The following ELFN2 variants were observed in gnomAD, a reference collection of about 807,000 sequenced individuals.
The protein encoded by ELFN2 is extracellular leucine rich repeat and fibronectin type III domain containing 2, also known as protein phosphatase 1 regulatory subunit 29.
A neutral mutation model predicts 45.5 loss-of-function variants in ELFN2; 17 were observed. That is an observed-to-expected ratio of 0.37 (90% CI 0.26 to 0.56). The LOEUF (loss-of-function observed/expected upper bound fraction) is 0.56, where lower values mean the gene tolerates loss of function less well. Ranked by LOEUF, ELFN2 falls within the 20% of genes least tolerant of loss-of-function variation. The pLI is 0.77. For missense variants in ELFN2, 922 were observed against 1,183.2 expected (o/e 0.78, Z 3.24); for synonymous variants, 550 against 551.5 (o/e 1.00, Z 0.04).
intron 2 of ELFN2, among the ~76,000 whole-genome samples, chr22:37,392,928 A>G (rs1006698372): frequency 3.9e-5 from 6 of 152,214 alleles, no homozygotes; most frequent in Non-Finnish European, 5.9e-5. Context: ...ACACACCTGC[A>G]TATTCATTAA....
intron 2 of ELFN2, among the ~76,000 whole-genome samples, chr22:37,381,556 A>C (rs1931769185): frequency 6.8e-6 from 1 of 147,644 alleles, no homozygotes. Context: ...CACCTTCTCT[A>C]GCCCCCCAGT....
chr22:37,350,243 AGGTAGCAGCATAAATGGCAAGAAC>A (rs1295668102), intron 1 of ELFN2, among the ~76,000 whole-genome samples: 1 of 146,504 alleles, frequency 6.8e-6, no homozygotes, highest in African/African-American at 2.5e-5. Context: ...AGAAGGGGCC[AGGTAGCAGCATAAATGGCAAGAAC>A]GGGTGGGAGC....
rs865864412 is a variant in ELFN2, at chr22:37,417,026, G to T, written c.-463+743C>A. On this transcript the variant is annotated intron_variant, in intron 2 of 2. Coordinates refer to ENST00000402918, the MANE Select transcript of ELFN2 (RefSeq NM_052906.5). The surrounding 1 kb of genome is among the most constrained non-coding windows in gnomAD (Gnocchi z 4.5). ...ACGGAGACCACAATGCCACAGAGGC[G>T]GCTCCCTCACCACGGCAACCACCGT... 3.3e-5 allele frequency among the ~76,000 whole-genome samples: 5 copies of T among 151,410 alleles called. No individual in the cohort carries two copies. The highest frequency in any genetic ancestry group is 1.2e-4 in the African/African-American group (5 of 41,170).
At chr22:37,357,403 C>T (rs773867547) in intron 1 of ELFN2, among the ~76,000 whole-genome samples, 8 of 152,200 alleles carry the variant, frequency 5.3e-5, no homozygotes, top group African/African-American at 1.2e-4. Context: ...TGATCTCTGC[C>T]ACAACAGAGG....
intron 2 of ELFN2, among the ~76,000 whole-genome samples, chr22:37,397,166 A>C (rs1601760263): frequency 1.3e-5 from 2 of 150,658 alleles, no homozygotes; most frequent in South Asian, 2.1e-4. Flanking sequence ...ACTCCACAGC[A>C]CCCCCATGCT....
At chr22:37,414,702 G>T (rs758246030) in intron 2 of ELFN2, among the ~76,000 whole-genome samples, 1 of 152,122 alleles carries the variant, frequency 6.6e-6, no homozygotes, top group African/African-American at 2.4e-5. Context: ...GACAGCATCG[G>T]GACATGAACC....
At chr22:37,389,077 C>T (rs1414131976) in intron 2 of ELFN2, among the ~76,000 whole-genome samples, 1 of 152,276 alleles carries the variant, frequency 6.6e-6, no homozygotes, top group East Asian at 1.9e-4. Flanking sequence ...CCTCCTCTGT[C>T]AATTGGGGCC....
At chr22:37,352,064 GC>G (rs1930834353) in intron 1 of ELFN2, 1 of 150,858 alleles carries the variant, frequency 6.6e-6, no homozygotes, top group South Asian at 2.1e-4. Context: ...ATCCCAGGTA[GC>G]CCAAGAAGGT....
At chr22:37,405,839 G>GC (rs1932486540) in intron 2 of ELFN2, among the ~76,000 whole-genome samples, 5 of 149,794 alleles carry the variant, frequency 3.3e-5, no homozygotes, top group Non-Finnish European at 5.9e-5. Context: ...AAAAAGGGTG[G>GC]AGGGGGGGTG....
At chr22:37,407,102 G>T (rs1379058100) in intron 2 of ELFN2, among the ~76,000 whole-genome samples, 1 of 152,202 alleles carries the variant, frequency 6.6e-6, no homozygotes, top group East Asian at 1.9e-4. Context: ...TGGCCTACTG[G>T]GTGTGTGCAT....
intron 1 of ELFN2, among the ~76,000 whole-genome samples, chr22:37,343,896 C>T (rs1930624139): frequency 6.6e-6 from 1 of 152,070 alleles, no homozygotes; most frequent in African/African-American, 2.4e-5. Flanking sequence ...CCTGATGCCC[C>T]TCACACCCCC....
At chr22:37,426,720 C>G (rs555689624) in intron 1 of ELFN2, among the ~76,000 whole-genome samples, 1 of 152,152 alleles carries the variant, frequency 6.6e-6, no homozygotes, top group East Asian at 1.9e-4. Flanking sequence ...CGATTTATGC[C>G]GCCTCCCTGG....
intron 1 of ELFN2, among the ~76,000 whole-genome samples, chr22:37,362,913 C>T (rs574759863): frequency 8.5e-5 from 13 of 152,280 alleles, no homozygotes; most frequent in African/African-American, 3.1e-4. Context: ...CAGAGAGATG[C>T]TTCTACCGCC....
chr22:37,349,151 A>C (rs1930765085), intron 1 of ELFN2, among the ~76,000 whole-genome samples: 1 of 151,246 alleles, frequency 6.6e-6, no homozygotes, highest in African/African-American at 2.4e-5. Flanking sequence ...ATACACCCGG[A>C]AAGGGGCCAA....
chr22:37,424,061 C>T (rs1932830160), intron 1 of ELFN2, among the ~76,000 whole-genome samples: 1 of 152,174 alleles, frequency 6.6e-6, no homozygotes, highest in African/African-American at 2.4e-5. Context: ...GGCAATCCTA[C>T]TTCTCGGCCA....
intron 2 of ELFN2, among the ~76,000 whole-genome samples, chr22:37,410,485 C>T (rs1932620575): frequency 6.6e-6 from 1 of 152,080 alleles, no homozygotes; most frequent in Non-Finnish European, 1.5e-5. Context: ...GGTCCTGGTT[C>T]CCTGTTGAGC....
Position 37,375,620 on chromosome 22 carries a change from G to A in ELFN2, c.-86C>T. 1 of 1,433,132 alleles carries A rather than the reference G, an allele frequency of 7.0e-7. No individual in the cohort carries two copies. Among genetic ancestry groups the A allele is most frequent in the Non-Finnish European group, 9.2e-7 (1 of 1,083,992 alleles). The allele number at this position is 1,433,132 out of a possible 1,614,324, so 88.8% of individuals were successfully genotyped here. A position where few individuals can be genotyped will look rare whatever the true frequency, so the allele number is the denominator to read the frequency against. On this transcript the variant is annotated 5_prime_UTR_variant, in exon 3 of 3. Transcript: ENST00000402918. ...GGGGCTGGCAGTACAGTCCTCCCTG[G>A]GGCCGCCACCATCTTGGGGGCGACC...
At chr22:37,382,324 C>T (rs901770124) in intron 2 of ELFN2, among the ~76,000 whole-genome samples, 5 of 152,192 alleles carry the variant, frequency 3.3e-5, no homozygotes, top group Non-Finnish European at 7.4e-5. Flanking sequence ...TGCTCACTGC[C>T]GCCTCTGCCT....
At chr22:37,378,162 C>T (rs894768127) in intron 2 of ELFN2, among the ~76,000 whole-genome samples, 1 of 152,186 alleles carries the variant, frequency 6.6e-6, no homozygotes, top group East Asian at 1.9e-4. Flanking sequence ...CGGGCAGGCG[C>T]GTGTGCACAC....
Sources: gnomAD v4.1 joint callset for allele counts (sites outside exome capture counted in the v4.1 genomes callset) on GRCh38, gnomAD v4.1.1 for gene constraint, Gnocchi (gnomAD v3.1) non-coding constraint, MANE v1.5 for transcripts, NCBI Gene and HGNC (gene_info 2026-07-23, HGNC 2026-07-21) for gene names.